Variants in IL16 observed in about 807,000 individuals in gnomAD.
IL16 encodes interleukin 16.
In IL16, 67 loss-of-function variants were observed where a neutral mutation model predicts 110.1. The observed-to-expected ratio is 0.61, with a 90% confidence interval of 0.50 to 0.75. The LOEUF is 0.75. Among genes scored for constraint, IL16 ranks in the 30% least tolerant of loss-of-function variants. IL16 has a pLI of 0.00. For synonymous variants in IL16, 689 were observed against 662.9 expected, an observed-to-expected ratio of 1.04 and a Z score of -0.61; for missense variants, 1,545 against 1,655.0, an observed-to-expected ratio of 0.93 and a Z score of 1.15.
intron 2 of IL16, among the ~76,000 whole-genome samples, chr15:81,232,949 A>G (rs1158756438): frequency 6.6e-6 from 1 of 152,108 alleles, no homozygotes; most frequent in Non-Finnish European, 1.5e-5. Flanking sequence ...ATACTTTTTT[A>G]AAATGGTTGA....
chr15:81,297,211 A>G, intron 13 of IL16, 133 bp downstream of exon 13: 1 of 861,752 alleles, frequency 1.2e-6, no homozygotes, highest in Non-Finnish European at 1.7e-6. Context: ...GCTGATCAAC[A>G]GTCAAGGGTT....
At chr15:81,271,584 T>G (rs1301108143) in intron 5 of IL16, among the ~76,000 whole-genome samples, 1 of 152,168 alleles carries the variant, frequency 6.6e-6, no homozygotes, top group Non-Finnish European at 1.5e-5. Flanking sequence ...ACCAAGGCAA[T>G]GACCCCAGGC....
intron 2 of IL16, among the ~76,000 whole-genome samples, chr15:81,243,161 A>ATTTTTTTTTTTTTTTTTTTT (rs1449318741): frequency 3.6e-5 from 1 of 27,790 alleles, no homozygotes; most frequent in African/African-American, 1.1e-4. Flanking sequence ...ATATATATAT[A>ATTTTTTTTTTTTTTTTTTTT]TATTTTTTTT....
upstream of IL16, among the ~76,000 whole-genome samples, chr15:81,193,695 G>A (rs754961332): frequency 1.3e-5 from 2 of 152,128 alleles, no homozygotes; most frequent in African/African-American, 2.4e-5. Context: ...GAGCCGGGGA[G>A]CGGGAATCAA....
intron 3 of IL16, among the ~76,000 whole-genome samples, chr15:81,261,166 G>A (rs1002819131): frequency 6.6e-6 from 1 of 152,174 alleles, no homozygotes; most frequent in African/African-American, 2.4e-5. Flanking sequence ...ACAATTGGTA[G>A]GACTCACTGT....
chr15:81,183,259 G>C (rs1895371782), intron 1 of IL16, among the ~76,000 whole-genome samples: 1 of 152,212 alleles, frequency 6.6e-6, no homozygotes, highest in African/African-American at 2.4e-5. Flanking sequence ...AGAGGCATCA[G>C]TGTCTAAAAC....
At chr15:81,306,604 C>A in intron 18 of IL16, 59 bp downstream of exon 18, 1 of 1,600,300 alleles carries the variant, frequency 6.2e-7, no homozygotes, top group African/African-American at 1.3e-5. Context: ...GGCCAGGCCC[C>A]CAAAAGGCTT....
intron 2 of IL16, among the ~76,000 whole-genome samples, chr15:81,242,203 T>G (rs551085838): frequency 6.6e-6 from 1 of 152,136 alleles, no homozygotes; most frequent in Non-Finnish European, 1.5e-5. Context: ...TCTATTTCAG[T>G]CGTTTTAGCT....
At chr15:81,307,985 G>A (rs886918866) in intron 18 of IL16, among the ~76,000 whole-genome samples, 7 of 152,092 alleles carry the variant, frequency 4.6e-5, no homozygotes, top group Non-Finnish European at 8.8e-5. Context: ...ACTCTTATCA[G>A]GATTTGTGAA....
At chr15:81,219,167 A>G (rs923483142) in intron 1 of IL16, among the ~76,000 whole-genome samples, 2 of 152,132 alleles carry the variant, frequency 1.3e-5, no homozygotes, top group African/African-American at 4.8e-5. Flanking sequence ...CCATCTTCCC[A>G]ATTATTAACA....
At chr15:81,204,809 C>A (rs1362502601) in intron 1 of IL16, among the ~76,000 whole-genome samples, 2 of 150,740 alleles carry the variant, frequency 1.3e-5, no homozygotes, top group Non-Finnish European at 2.9e-5. Context: ...TGCACCAAGT[C>A]CTGGAAGCTA....
chr15:81,212,076 A>G (rs978234965), intron 1 of IL16, among the ~76,000 whole-genome samples: 2 of 151,356 alleles, frequency 1.3e-5, no homozygotes, highest in African/African-American at 4.9e-5. Flanking sequence ...TAGGATTGAT[A>G]CCAGTTCTTT....
At chr15:81,230,383 C>T (rs116872262) in intron 2 of IL16, among the ~76,000 whole-genome samples, 7 of 152,326 alleles carry the variant, frequency 4.6e-5, no homozygotes, top group Non-Finnish European at 8.8e-5. Flanking sequence ...AAAGGTCAAA[C>T]TCTCCCTCTC....
rs149947033 is a variant in IL16, at chr15:81,218,702, T to C, written c.-101-6597T>C. Among the ~76,000 whole-genome samples, 219 of 152,340 alleles carry C rather than the reference T, an allele frequency of 1.4e-3. 1 individual carries two copies. The highest frequency in any genetic ancestry group is 5.2e-3 in the African/African-American group (216 of 41,582). ...AAAAGTTATTAATAGTTTGATTTTA[T>C]TGATGCAAGTAAGTTTTTTGTAAAT... On this transcript the variant is annotated intron_variant, in intron 1 of 18. Coordinates refer to ENST00000683961, the MANE Select transcript of IL16 (RefSeq NM_172217.5).
intron 2 of IL16, among the ~76,000 whole-genome samples, chr15:81,240,286 C>T (rs975704022): frequency 1.3e-5 from 2 of 151,970 alleles, no homozygotes; most frequent in African/African-American, 4.8e-5. Context: ...TTCCCCTCAC[C>T]TACTTTAAAT....
intron 3 of IL16, among the ~76,000 whole-genome samples, chr15:81,265,310 A>G (rs1164472628): frequency 6.6e-6 from 1 of 151,956 alleles, no homozygotes; most frequent in Non-Finnish European, 1.5e-5. Context: ...CTTGGTTGGG[A>G]TTGAAAACAC....
At chr15:81,196,819 C>T (rs965913007), upstream of IL16, 15 of 1,112,020 alleles carry the variant, frequency 1.3e-5, no homozygotes, top group South Asian at 1.0e-4. Flanking sequence ...AGCCTTTTCA[C>T]GTGGAGCAGT....
chr15:81,256,998 T>C (rs1436348650), intron 2 of IL16, among the ~76,000 whole-genome samples: 1 of 152,250 alleles, frequency 6.6e-6, no homozygotes, highest in Non-Finnish European at 1.5e-5. Context: ...TTGTGTTTTA[T>C]GAAGCATTGA....
At chr15:81,232,042 G>GTTTTTTTTTTTGTTT (rs1897009850) in intron 2 of IL16, among the ~76,000 whole-genome samples, 6 of 57,678 alleles carry the variant, frequency 1.0e-4, no homozygotes, top group African/African-American at 2.6e-4. Flanking sequence ...ATTTGTTCTT[G>GTTTTTTTTTTTGTTT]TTTTTTTTTT....
Sources: gnomAD v4.1 joint callset for allele counts (sites outside exome capture counted in the v4.1 genomes callset) on GRCh38, gnomAD v4.1.1 for gene constraint, MANE v1.5 for transcripts, NCBI Gene and HGNC (gene_info 2026-07-23, HGNC 2026-07-21) for gene names.